Variants in DLGAP2 observed in about 807,000 individuals in gnomAD.
DLGAP2 encodes DLG associated protein 2.
A neutral mutation model predicts 100.3 loss-of-function variants in DLGAP2; 26 were observed. That is an observed-to-expected ratio of 0.26 (90% CI 0.19 to 0.36). The LOEUF (loss-of-function observed/expected upper bound fraction) is 0.36, where lower values mean the gene tolerates loss of function less well. Among genes scored for constraint, DLGAP2 ranks in the 10% least tolerant of loss-of-function variants. The pLI is 1.00. For synonymous variants in DLGAP2, 886 were observed against 630.1 expected (o/e 1.41, Z -6.08); for missense variants, 1,858 against 1,453.2 (o/e 1.28, Z -4.53).
chr8:1,196,482 T>G (rs1353358914), intron 2 of DLGAP2, among the ~76,000 whole-genome samples: 1 of 152,180 alleles, frequency 6.6e-6, no homozygotes, highest in African/African-American at 2.4e-5. Flanking sequence ...ATTCGTGCTT[T>G]CCTCACGTTT....
At chr8:938,361 T>C (rs907548534) in intron 2 of DLGAP2, among the ~76,000 whole-genome samples, 1 of 152,122 alleles carries the variant, frequency 6.6e-6, no homozygotes, top group Non-Finnish European at 1.5e-5. Flanking sequence ...CATGCCTGGC[T>C]GATTTTTAAA....
chr8:1,255,260 G>A (rs1799169182), intron 2 of DLGAP2, among the ~76,000 whole-genome samples: 2 of 99,548 alleles, frequency 2.0e-5, no homozygotes, highest in Non-Finnish European at 3.7e-5. Flanking sequence ...CTGCCCGGGT[G>A]CTGTGTGTGT....
At chr8:1,207,838 A>G (rs914768549) in intron 2 of DLGAP2, among the ~76,000 whole-genome samples, 2 of 151,794 alleles carry the variant, frequency 1.3e-5, no homozygotes, top group African/African-American at 2.4e-5. Flanking sequence ...CATTTTTTCC[A>G]TATGTTTGTT....
At chr8:950,698 T>C (rs1194291939) in intron 2 of DLGAP2, among the ~76,000 whole-genome samples, 2 of 150,792 alleles carry the variant, frequency 1.3e-5, no homozygotes, top group Non-Finnish European at 2.9e-5. Context: ...CTTGGCTCAC[T>C]GCAACCTCCG....
At chr8:1,203,839 G>C (rs1474357298) in intron 2 of DLGAP2, among the ~76,000 whole-genome samples, 1 of 152,156 alleles carries the variant, frequency 6.6e-6, no homozygotes, top group East Asian at 1.9e-4. Context: ...CAGCAGTCAG[G>C]GGGCTGGATG....
At chr8:1,636,717 C>T (rs893575939) in intron 8 of DLGAP2, among the ~76,000 whole-genome samples, 1 of 152,210 alleles carries the variant, frequency 6.6e-6, no homozygotes, top group East Asian at 1.9e-4. Context: ...CTTGTTGCCT[C>T]AACCTTCTTC....
chr8:1,313,595 A>T lies in DLGAP2; in HGVS notation c.106+54712A>T, dbSNP rs1200618651. 2.6e-5 allele frequency among the ~76,000 whole-genome samples: 4 copies of T among 152,208 alleles called. No individual in the cohort carries two copies. The South Asian group carries it at 8.3e-4, about 32-fold the overall frequency. ...CTGTGGAACACCATAACACTTCCTC[A>T]GGCCATTCAGTAACAGTCCAAAGTC... On this transcript the variant is annotated intron_variant, in intron 3 of 14. Coordinates refer to ENST00000637795, the MANE Select transcript of DLGAP2 (RefSeq NM_001346810.2).
At chr8:1,144,174 G>A (rs1796567772) in intron 2 of DLGAP2, among the ~76,000 whole-genome samples, 1 of 152,252 alleles carries the variant, frequency 6.6e-6, no homozygotes, top group African/African-American at 2.4e-5. Flanking sequence ...GAGGGGAATG[G>A]CTTCCAGCGG....
At chr8:1,068,818 C>A (rs533693683) in intron 2 of DLGAP2, among the ~76,000 whole-genome samples, 1 of 152,242 alleles carries the variant, frequency 6.6e-6, no homozygotes, top group African/African-American at 2.4e-5. Context: ...CTCGTGGGGG[C>A]TTTTTCTCCA....
chr8:1,275,890 T>TAAATA (rs1563056385), intron 3 of DLGAP2, among the ~76,000 whole-genome samples: 1 of 123,414 alleles, frequency 8.1e-6, no homozygotes, highest in African/African-American at 3.3e-5. Context: ...AATAAATATA[T>TAAATA]AATATATAAA....
chr8:1,596,088 G>T (rs1009919857), intron 6 of DLGAP2, among the ~76,000 whole-genome samples: 7 of 138,932 alleles, frequency 5.0e-5, no homozygotes, highest in African/African-American at 1.6e-4. Flanking sequence ...GGTTCTCATC[G>T]TTCATCTCCC....
intron 1 of DLGAP2, among the ~76,000 whole-genome samples, chr8:768,931 C>T (rs1450565381): frequency 6.6e-6 from 1 of 152,126 alleles, no homozygotes; most frequent in Non-Finnish European, 1.5e-5. Context: ...AGGAGGCTGG[C>T]TCTGGTCTGA....
chr8:1,344,753 A>T (rs1801516460), intron 3 of DLGAP2, among the ~76,000 whole-genome samples: 1 of 151,908 alleles, frequency 6.6e-6, no homozygotes, highest in Non-Finnish European at 1.5e-5. Context: ...CATTTTCTGC[A>T]CTCCTCCTTG....
At position 1,446,802 on chromosome 8, in the gene DLGAP2, A is replaced by C. The variant is rs140833418; in HGVS notation, c.107-54564A>C. ...GTTTTTAGTTCTCATTAAAGAGGTC[A>C]TTCACATCCCTTGTAAGTTGGATTC... On this transcript the variant is annotated intron_variant, in intron 3 of 14. Transcript: ENST00000637795. Among the ~76,000 whole-genome samples the C allele has an allele frequency of 8.9e-3, 1,357 of 152,194 alleles. 22 individuals carry two copies. The highest frequency in any genetic ancestry group is 0.031 in the African/African-American group (1,296 of 41,512).
intron 3 of DLGAP2, among the ~76,000 whole-genome samples, chr8:1,415,802 G>A (rs1403923465): frequency 6.6e-6 from 1 of 152,126 alleles, no homozygotes; most frequent in Non-Finnish European, 1.5e-5. Context: ...GTGTCTTTTT[G>A]GTAGAATGAT....
intron 3 of DLGAP2, among the ~76,000 whole-genome samples, chr8:1,346,172 G>A (rs898745788): frequency 2.0e-5 from 3 of 152,204 alleles, no homozygotes; most frequent in African/African-American, 7.2e-5. Flanking sequence ...ACTGTGTGGA[G>A]TTTGAGTTCC....
At chr8:1,245,490 A>G (rs1185698447) in intron 2 of DLGAP2, among the ~76,000 whole-genome samples, 1 of 152,278 alleles carries the variant, frequency 6.6e-6, no homozygotes, top group Non-Finnish European at 1.5e-5. Flanking sequence ...GAAGCCAGTC[A>G]TGAAAACCAC....
intron 3 of DLGAP2, among the ~76,000 whole-genome samples, chr8:1,288,678 A>AGCGTGT (rs1347520454): frequency 5.9e-5 from 7 of 118,386 alleles, no homozygotes; most frequent in African/African-American, 1.0e-4. Context: ...GTTTCGGTTC[A>AGCGTGT]GTGTGTGTGT....
chr8:1,463,221 C>T (rs945180948), intron 3 of DLGAP2, among the ~76,000 whole-genome samples: 7 of 152,154 alleles, frequency 4.6e-5, no homozygotes, highest in African/African-American at 1.4e-4. Flanking sequence ...TGCACTCCAG[C>T]CTGGGTGACA....
Sources: allele counts gnomAD v4.1 joint callset (sites outside exome capture counted in the v4.1 genomes callset), GRCh38; gene constraint gnomAD v4.1.1; transcripts MANE v1.5; gene names NCBI Gene and HGNC (gene_info 2026-07-23, HGNC 2026-07-21).